Variants in FAM81A observed in about 807,000 individuals in gnomAD.
The protein encoded by FAM81A is family with sequence similarity 81 member A, also known as protein FAM81A.
FAM81A carries 19 observed loss-of-function variants against 46.7 expected under a neutral mutation model. The observed-to-expected ratio is 0.41, with a 90% CI of 0.28 to 0.60. The LOEUF is 0.60. Among genes scored for constraint, FAM81A ranks in the 20% least tolerant of loss-of-function variants. The pLI is 0.34. For synonymous variants in FAM81A, 183 were observed against 152.9 expected (o/e 1.20, Z -1.45); for missense variants, 377 against 453.5 (o/e 0.83, Z 1.53).
At chr15:59,404,451 G>A (rs1273127394) in intron 2 of FAM81A, among the ~76,000 whole-genome samples, 1 of 151,928 alleles carries the variant, frequency 6.6e-6, no homozygotes, top group Non-Finnish European at 1.5e-5. Flanking sequence ...TGGTGAGAAA[G>A]TTTCTATACA....
upstream of FAM81A, among the ~76,000 whole-genome samples, chr15:59,435,067 T>A (rs915498470): frequency 6.6e-6 from 1 of 152,196 alleles, no homozygotes; most frequent in Admixed American, 6.5e-5. Context: ...GGCAGGTGGA[T>A]CACGAGGTTA....
chr15:59,490,006 A>C (rs1380738436), intron 3 of FAM81A, among the ~76,000 whole-genome samples: 3 of 152,228 alleles, frequency 2.0e-5, no homozygotes. Flanking sequence ...CCCAGTATAC[A>C]ATAGTTGTGT....
intron 1 of FAM81A, among the ~76,000 whole-genome samples, chr15:59,449,508 A>G (rs570989102): frequency 1.4e-4 from 22 of 152,286 alleles, no homozygotes; most frequent in East Asian, 1.4e-3. Flanking sequence ...TAGGCCGGGC[A>G]CGGTGGCTCA....
chr15:59,421,725 GTCTGTCTATCTATCTA>G (rs879892448), intron 2 of FAM81A, among the ~76,000 whole-genome samples: 1,704 of 137,342 alleles, frequency 0.012, 24 homozygotes, highest in Middle Eastern at 0.019. Context: ...CTGTCTGTCT[GTCTGTCTATCTATCTA>G]TCTGTCTATC....
Position 59,522,397 on chromosome 15 carries a change from T to A in FAM81A, c.*1019T>A, listed in dbSNP as rs1168882243. The A allele has an allele frequency of 6.5e-6, 1 of 152,694 alleles. No homozygotes were observed. 9.5% of individuals were successfully genotyped at this position (152,694 alleles called of 1,614,324 possible). On this transcript the variant is annotated 3_prime_UTR_variant, in exon 9 of 9. Transcript: ENST00000288228. ...TAAAACTGGAATCCTCTGTATTTTT[T>A]AAATGTTCTAAAAATTTTATCGCTG...
chr15:59,486,725 G>A (rs376130289), intron 3 of FAM81A, among the ~76,000 whole-genome samples: 6 of 152,066 alleles, frequency 3.9e-5, no homozygotes, highest in Admixed American at 2.6e-4. Flanking sequence ...GTGGCATGAC[G>A]TCTTTAAAGT....
chr15:59,425,194 T>A (rs1187665732), intron 2 of FAM81A, among the ~76,000 whole-genome samples: 1 of 152,160 alleles, frequency 6.6e-6, no homozygotes, highest in African/African-American at 2.4e-5. Context: ...CATGAGGGCA[T>A]AGACCACGCA....
At chr15:59,449,083 GTAT>G (rs1367188430) in intron 1 of FAM81A, among the ~76,000 whole-genome samples, 2 of 152,126 alleles carry the variant, frequency 1.3e-5, no homozygotes, top group African/African-American at 4.8e-5. Context: ...AGATCACATA[GTAT>G]TAAGTATGGA....
intron 1 of FAM81A, among the ~76,000 whole-genome samples, chr15:59,457,813 A>C (rs1458856940): frequency 2.6e-5 from 4 of 152,244 alleles, no homozygotes; most frequent in African/African-American, 9.6e-5. Flanking sequence ...TTATGGAATC[A>C]GATCATAGTT....
rs1209280595 is a variant in FAM81A, at chr15:59,460,699, A to T, written c.294+493A>T. 1 of 205,850 alleles carries T rather than the reference A, an allele frequency of 4.9e-6. No homozygotes were observed. Among genetic ancestry groups the T allele is most frequent in the Admixed American group, 5.3e-5 (1 of 18,714 alleles). The allele number at this position is 205,850 out of a possible 1,614,324, so 12.8% of individuals were successfully genotyped here. ...TTTTACTGCTGTAGTTTTCTTTGAAATGAGACCAATAAAAGGCCAATATTG... is the reference window on the plus strand; with the variant it reads ...TTTTACTGCTGTAGTTTTCTTTGAATTGAGACCAATAAAAGGCCAATATTG... On this transcript the variant is annotated intron_variant, in intron 3 of 8. Transcript: ENST00000288228. The surrounding 1 kb of genome is among the most constrained non-coding windows in gnomAD (Gnocchi z 4.4).
intron 6 of FAM81A, among the ~76,000 whole-genome samples, chr15:59,510,777 C>CAAAAAAAAAAA (rs71119479): frequency 2.7e-4 from 7 of 25,782 alleles, no homozygotes; most frequent in East Asian, 3.6e-3. Context: ...GACCCTGTCT[C>CAAAAAAAAAAA]AAAAAAAAAA....
intron 3 of FAM81A, among the ~76,000 whole-genome samples, chr15:59,485,895 C>A (rs563506525): frequency 6.6e-6 from 1 of 152,058 alleles, no homozygotes; most frequent in African/African-American, 2.4e-5. Flanking sequence ...ATTGAAATAA[C>A]TGGCCAGGTG....
At chr15:59,507,937 A>G (rs2082166815) in intron 5 of FAM81A, among the ~76,000 whole-genome samples, 1 of 152,212 alleles carries the variant, frequency 6.6e-6, no homozygotes, top group African/African-American at 2.4e-5. Flanking sequence ...TTTTTCTACA[A>G]TATCTGCCTT....
rs1463517353 is a variant in FAM81A at position 59,460,517 on chromosome 15, C to G, written c.294+311C>G. On this transcript the variant is annotated intron_variant, in intron 3 of 8. Transcript: ENST00000288228. This position sits in a 1 kb window ranked among gnomAD's most constrained non-coding sequence, Gnocchi z 4.4. ...GAAGAACTAGTCGAATAGTTTCACT[C>G]TATAATCTTTCATATCTTTGAAGAC... is the stretch of plus-strand genomic sequence containing the variant. 5 of 424,506 alleles carry G rather than the reference C, an allele frequency of 1.2e-5. No homozygotes were observed. The highest frequency in any genetic ancestry group is 7.1e-5 in the Admixed American group (2 of 28,362). The allele number at this position is 424,506 out of a possible 1,614,324, so 26.3% of individuals were successfully genotyped here.
intron 3 of FAM81A, among the ~76,000 whole-genome samples, chr15:59,461,076 A>T (rs1349422323): frequency 6.6e-6 from 1 of 152,154 alleles, no homozygotes; most frequent in Non-Finnish European, 1.5e-5. Context: ...TTTTTAGTAA[A>T]TTTATAAAAT....
intron 6 of FAM81A, among the ~76,000 whole-genome samples, chr15:59,513,956 C>A (rs541336528): frequency 1.3e-5 from 2 of 152,178 alleles, no homozygotes; most frequent in Non-Finnish European, 1.5e-5. Flanking sequence ...AGCCATTATC[C>A]TCAGCAAAGT....
chr15:59,433,897 C>A (rs1182812405), upstream of FAM81A, among the ~76,000 whole-genome samples: 1 of 152,160 alleles, frequency 6.6e-6, no homozygotes, highest in Admixed American at 6.5e-5. Flanking sequence ...ACTCTGTCAC[C>A]CAGGCTGAAG....
intron 2 of FAM81A, among the ~76,000 whole-genome samples, chr15:59,421,416 G>T (rs11857940): frequency 6.6e-6 from 1 of 152,090 alleles, no homozygotes; most frequent in Non-Finnish European, 1.5e-5. Flanking sequence ...AGGAAAATGG[G>T]CAGCTTAGCG....
At chr15:59,398,787 AAG>A (rs2081058021) in intron 1 of FAM81A, among the ~76,000 whole-genome samples, 1 of 149,220 alleles carries the variant, frequency 6.7e-6, no homozygotes, top group Non-Finnish European at 1.5e-5. Flanking sequence ...AAAAAAAAAA[AAG>A]GAAATGAATC....
Sources: allele counts gnomAD v4.1 joint callset (sites outside exome capture counted in the v4.1 genomes callset), GRCh38; gene constraint gnomAD v4.1.1; non-coding constraint Gnocchi (gnomAD v3.1); transcripts MANE v1.5; gene names NCBI Gene and HGNC (gene_info 2026-07-23, HGNC 2026-07-21).